GAS7: variants seen among roughly 807,000 people sequenced by gnomAD.
GAS7 encodes growth arrest specific 7, also known as growth arrest-specific protein 7.
In GAS7, 28 loss-of-function variants were observed where a neutral mutation model predicts 71.1. That is an observed-to-expected ratio of 0.39 (90% CI 0.29 to 0.54). The LOEUF (loss-of-function observed/expected upper bound fraction) is 0.54. Among genes scored for constraint, GAS7 ranks in the 20% least tolerant of loss-of-function variants. The pLI is 0.62. For missense variants in GAS7, 436 were observed against 627.8 expected (o/e 0.69, Z 3.27); for synonymous variants, 258 against 245.8 (o/e 1.05, Z -0.46).
At chr17:10,021,107 G>A (rs1286579609) in intron 1 of GAS7, among the ~76,000 whole-genome samples, 3 of 152,112 alleles carry the variant, frequency 2.0e-5, no homozygotes, top group East Asian at 1.9e-4. Context: ...AAATTAGCCC[G>A]TAAGATTGCT....
Position 9,914,668 on chromosome 17 carries a change from T to A in GAS7, c.*2560A>T, listed in dbSNP as rs948361856. The A allele has an allele frequency of 9.2e-6, 2 of 218,150 alleles. No individual in the cohort carries two copies. Among genetic ancestry groups the A allele is most frequent in the African/African-American group, 4.5e-5 (2 of 44,550 alleles). The allele number at this position is 218,150 out of a possible 1,614,324, so 13.5% of individuals were successfully genotyped here. ...CCAACAGGTAAATGCCTCACGACGG[T>A]GGTTTATATTATAATAAAGAATCCC... is the stretch of plus-strand genomic sequence containing the variant. On this transcript the variant is annotated 3_prime_UTR_variant, in exon 14 of 14. Coordinates refer to ENST00000432992, the MANE Select transcript of GAS7 (RefSeq NM_201433.2).
intron 2 of GAS7, among the ~76,000 whole-genome samples, chr17:9,996,666 G>T (rs2071059062): frequency 6.7e-6 from 1 of 150,288 alleles, no homozygotes; most frequent in Non-Finnish European, 1.5e-5. Context: ...TGAGACAGAG[G>T]CTCGCTCTGT....
At position 9,916,645 on chromosome 17, in the gene GAS7, A is replaced by G. The variant is rs1337099055; in HGVS notation, c.*583T>C. On this transcript the variant is annotated 3_prime_UTR_variant, in exon 14 of 14. Coordinates refer to ENST00000432992, the MANE Select transcript of GAS7 (RefSeq NM_201433.2). ...GGTGGGTCTGGGAAGACAGGAGCCA[A>G]GCCTTCCTCCTAAAACCCCTGGTGA... 6.5e-6 allele frequency: 2 copies of G among 306,690 alleles called. No homozygotes were observed. Among genetic ancestry groups the G allele is most frequent in the Non-Finnish European group, 1.2e-5 (2 of 167,490 alleles). The allele number at this position is 306,690 out of a possible 1,614,324, so 19.0% of individuals were successfully genotyped here.
intron 4 of GAS7, among the ~76,000 whole-genome samples, chr17:9,963,617 C>G (rs1255809176): frequency 6.6e-6 from 1 of 151,938 alleles, no homozygotes; most frequent in African/African-American, 2.4e-5. Context: ...ACCTGTAACC[C>G]TAGGCTTTGA....
chr17:9,913,680 C>T lies in GAS7; in HGVS notation c.*3548G>A. 1 of 231,360 alleles carries T rather than the reference C, an allele frequency of 4.3e-6. No homozygotes were observed. The highest frequency in any genetic ancestry group is 2.2e-5 in the African/African-American group (1 of 45,308). 14.3% of individuals were successfully genotyped at this position (231,360 alleles called of 1,614,324 possible). ...AGGTAGAAAGGAGGCCCAGGGTGGT[C>T]CCACTGACAGAATCTCAGGGCCGCC... On this transcript the variant is annotated 3_prime_UTR_variant, in exon 14 of 14. Coordinates refer to ENST00000432992, the MANE Select transcript of GAS7 (RefSeq NM_201433.2).
In GAS7 at chr17:10,046,841, G is replaced by GAA. The variant is rs1181903287; in HGVS notation, c.184-26946_184-26945dup. 9.8e-5 allele frequency among the ~76,000 whole-genome samples: 11 copies of GAA among 112,406 alleles called. 1 individual carries two copies. Among genetic ancestry groups the GAA allele is most frequent in the African/African-American group, 4.8e-4 (11 of 23,098 alleles). 73.7% of individuals were successfully genotyped at this position (112,406 alleles called of 152,430 possible). On this transcript the variant is annotated intron_variant, in intron 1 of 13. Coordinates refer to ENST00000432992, the MANE Select transcript of GAS7 (RefSeq NM_201433.2). Reference sequence around the variant, plus strand: ...GGAAGGAAGGAAGGAAGGAAGGAAGGAAGGAAAGAAAAGAAAAGAAAAAAG... The same window carrying GAA: ...GGAAGGAAGGAAGGAAGGAAGGAAGGAAAAGGAAAGAAAAGAAAAGAAAAAAG...
chr17:10,127,252 G>C (rs527630550), intron 1 of GAS7, among the ~76,000 whole-genome samples: 2 of 152,258 alleles, frequency 1.3e-5, no homozygotes, highest in Admixed American at 6.5e-5. Context: ...GTGCTTCCAC[G>C]AGCCCCTCCT....
intron 1 of GAS7, among the ~76,000 whole-genome samples, chr17:10,137,542 CT>C (rs71139019): frequency 0.89 from 129,071 of 144,718 alleles, 58,032 homozygotes; most frequent in Non-Finnish European, 0.95. Flanking sequence ...GAAGTTTTCT[CT>C]TTTTTTTTTT....
intron 5 of GAS7, among the ~76,000 whole-genome samples, chr17:9,951,925 C>T (rs1015820401): frequency 6.6e-6 from 1 of 152,054 alleles, no homozygotes; most frequent in Admixed American, 6.6e-5. Flanking sequence ...AGGATGCCAC[C>T]GTGCACCCCA....
intron 5 of GAS7, among the ~76,000 whole-genome samples, chr17:9,951,901 T>C (rs2069034125): frequency 6.6e-6 from 1 of 151,938 alleles, no homozygotes; most frequent in Non-Finnish European, 1.5e-5. Context: ...CTGAGTTGAC[T>C]TACCCTCAGA....
At chr17:9,963,146 T>C (rs4791921) in intron 4 of GAS7, among the ~76,000 whole-genome samples, 18,449 of 151,830 alleles carry the variant, frequency 0.12, 3,078 homozygotes, top group African/African-American at 0.37. Flanking sequence ...TATTCTTCTG[T>C]CATAAAAAGG....
chr17:10,053,343 T>G (rs1470795940), intron 1 of GAS7, among the ~76,000 whole-genome samples: 1 of 152,126 alleles, frequency 6.6e-6, no homozygotes, highest in South Asian at 2.1e-4. Flanking sequence ...CTAAAGCCAT[T>G]AGAGAGAAAG....
intron 1 of GAS7, among the ~76,000 whole-genome samples, chr17:10,081,177 G>A (rs1021654210): frequency 3.9e-5 from 6 of 151,968 alleles, no homozygotes; most frequent in South Asian, 2.1e-4. Context: ...TTCTTGAGAC[G>A]GAGTCTCGCT....
intron 1 of GAS7, among the ~76,000 whole-genome samples, chr17:10,186,781 G>A (rs2074457320): frequency 6.6e-6 from 1 of 152,122 alleles, no homozygotes; most frequent in Admixed American, 6.6e-5. Flanking sequence ...CCAACACTTT[G>A]AGAGGCAGAG....
intron 1 of GAS7, among the ~76,000 whole-genome samples, chr17:10,049,674 G>C (rs902749992): frequency 2.4e-5 from 3 of 123,418 alleles, no homozygotes; most frequent in African/African-American, 9.7e-5. Context: ...AGGCTGGAGT[G>C]CAGTGGCGCG....
At chr17:10,051,317 A>C (rs1449305135) in intron 1 of GAS7, among the ~76,000 whole-genome samples, 1 of 152,194 alleles carries the variant, frequency 6.6e-6, no homozygotes, top group Non-Finnish European at 1.5e-5. Context: ...CTTTCCCAAC[A>C]GCACGGCTAA....
At chr17:9,925,157 T>C (rs1009753092) in intron 11 of GAS7, among the ~76,000 whole-genome samples, 4 of 150,068 alleles carry the variant, frequency 2.7e-5, no homozygotes, top group Non-Finnish European at 5.9e-5. Context: ...GTCCACCTCC[T>C]GGTCAGAGAT....
intron 1 of GAS7, among the ~76,000 whole-genome samples, chr17:10,094,951 C>T (rs1415883586): frequency 1.3e-5 from 2 of 152,142 alleles, no homozygotes; most frequent in African/African-American, 4.8e-5. Context: ...TTCTGTCATC[C>T]GCAATATGAT....
chr17:10,018,423 A>T (rs915494678), intron 2 of GAS7, among the ~76,000 whole-genome samples: 1 of 152,144 alleles, frequency 6.6e-6, no homozygotes, highest in Non-Finnish European at 1.5e-5. Context: ...ATAATTGATG[A>T]TCTCATGATC....
Sources: gnomAD v4.1 joint callset for allele counts (sites outside exome capture counted in the v4.1 genomes callset) on GRCh38, gnomAD v4.1.1 for gene constraint, MANE v1.5 for transcripts, NCBI Gene and HGNC (gene_info 2026-07-23, HGNC 2026-07-21) for gene names.